PINK1: variants seen among roughly 807,000 people sequenced by gnomAD.
The protein encoded by PINK1 is PTEN induced kinase 1, also known as serine/threonine-protein kinase PINK1, mitochondrial.
PINK1 carries 58 observed loss-of-function variants against 56.0 expected under a neutral mutation model. The observed-to-expected ratio is 1.04, with a 90% CI of 0.84 to 1.29. The LOEUF (loss-of-function observed/expected upper bound fraction) is 1.29. Ranked by LOEUF, PINK1 falls within the 50% of genes most tolerant of loss-of-function variation. PINK1 has a pLI of 0.00. For missense variants in PINK1, 745 were observed against 777.9 expected, an observed-to-expected ratio of 0.96 and a Z score of 0.50; for synonymous variants, 354 against 339.3, an observed-to-expected ratio of 1.04 and a Z score of -0.48.
At position 20,650,605 on chromosome 1, in the gene PINK1, A is replaced by AT. The variant is rs2053255932; in HGVS notation, c.1661dup (p.Met554IlefsTer8). Reference sequence around the variant, plus strand: ...AGAGAAGTGTTGTGTGGAAACAAAAATGAAGATGCTCTTTCTGGCTAACCT... The same window carrying AT: ...AGAGAAGTGTTGTGTGGAAACAAAAATTGAAGATGCTCTTTCTGGCTAACCT... On this transcript the variant is annotated frameshift_variant, in exon 8 of 8. Transcript: ENST00000321556. LOFTEE classifies it high-confidence loss of function. 6.2e-7 allele frequency: 1 copy of AT among 1,614,128 alleles called. No individual in the cohort carries two copies. Among genetic ancestry groups the AT allele is most frequent in the African/African-American group, 1.3e-5 (1 of 74,948 alleles).
Position 20,641,274 on chromosome 1 carries a change from G to GA in PINK1, c.776+1283dup, listed in dbSNP as rs1474205371. Among the ~76,000 whole-genome samples, 5 of 152,100 alleles carry GA rather than the reference G, an allele frequency of 3.3e-5. No individual in the cohort carries two copies. Among genetic ancestry groups the GA allele is most frequent in the Non-Finnish European group, 7.4e-5 (5 of 68,016 alleles). On this transcript the variant is annotated intron_variant, in intron 3 of 7. Transcript: ENST00000321556. The surrounding 1 kb of genome is among the most constrained non-coding windows in gnomAD (Gnocchi z 4.0). ...TGCTGCTTCTCCTGAGGCCTTTTTGGAGAAAGTGGACACCTGAATGTCAGC... is the reference window on the plus strand; with the variant it reads ...TGCTGCTTCTCCTGAGGCCTTTTTGGAAGAAAGTGGACACCTGAATGTCAGC...
rs181675228 is a variant in PINK1, at chr1:20,644,582, G to A, written c.869G>A (p.Gly290Glu). ...ACCTCTTCCGTGCCGCTGCTGCCAGGGGCCCTGGTCGACTACCCTGATGTG... is the reference window on the plus strand; with the variant it reads ...ACCTCTTCCGTGCCGCTGCTGCCAGAGGCCCTGGTCGACTACCCTGATGTG... The part of the protein sequence containing the change: ...AFTSSVPLLP[G>E]ALVDYPDVLP... Residue 290 changes from glycine (G) to glutamate (E), a missense_variant, in exon 4 of 8, where the codon GGG becomes GAG. Transcript: ENST00000321556. The A allele has an allele frequency of 1.9e-6, 3 of 1,614,218 alleles. No homozygotes were observed. In the East Asian group the frequency reaches 6.7e-5, roughly 36 times the overall value.
intron 5 of PINK1, among the ~76,000 whole-genome samples, chr1:20,648,035 G>A (rs1285602411): frequency 1.3e-5 from 2 of 151,700 alleles, no homozygotes; most frequent in Non-Finnish European, 2.9e-5. Flanking sequence ...GGCTGGTCTT[G>A]AACTCCTGAC....
intron 7 of PINK1, 153 bp from the exon 8 acceptor site, chr1:20,650,281 A>AT: frequency 2.0e-6 from 2 of 1,004,984 alleles, no homozygotes; most frequent in Non-Finnish European, 3.0e-6. Flanking sequence ...GACAGGCAGT[A>AT]TTTGTCACCT....
rs2053111786 is a variant in PINK1 at position 20,641,146 on chromosome 1, A to G, written c.776+1154A>G. Among the ~76,000 whole-genome samples, 1 of 152,158 alleles carries G rather than the reference A, an allele frequency of 6.6e-6. No individual in the cohort carries two copies. The highest frequency in any genetic ancestry group is 1.9e-4 in the East Asian group (1 of 5,192). On this transcript the variant is annotated intron_variant, in intron 3 of 7. Coordinates refer to ENST00000321556, the MANE Select transcript of PINK1 (RefSeq NM_032409.3). The surrounding 1 kb of genome is among the most constrained non-coding windows in gnomAD (Gnocchi z 4.0). ...CTGTCAGAAGCAGGGAGGCAAAAGT[A>G]TGAAATTAAGGGAGTGGTTGTGGAA...
intron 3 of PINK1, among the ~76,000 whole-genome samples, chr1:20,642,147 G>C (rs2053121661): frequency 6.6e-6 from 1 of 152,210 alleles, no homozygotes; most frequent in Non-Finnish European, 1.5e-5. Context: ...TGCTGGGAGA[G>C]GCCGGTGCCC....
Position 20,645,549 on chromosome 1 carries a change from C to CT in PINK1, c.960-10dup, listed in dbSNP as rs767297594. On this transcript the variant is annotated splice_polypyrimidine_tract_variant and intron_variant, in intron 4 of 7. Transcript: ENST00000321556. ...GTGTGGTAGCCAGAGGCCCTCTCCCCTCTCCGCCAGCTATCCCTGTACCCT... is the reference window on the plus strand; with the variant it reads ...GTGTGGTAGCCAGAGGCCCTCTCCCCTTCTCCGCCAGCTATCCCTGTACCCT... 2 of 1,613,248 alleles carry CT rather than the reference C, an allele frequency of 1.2e-6. No individual in the cohort carries two copies. Among genetic ancestry groups the CT allele is most frequent in the Non-Finnish European group, 1.7e-6 (2 of 1,179,962 alleles).
chr1:20,637,777 C>A (rs2298297), intron 1 of PINK1, 65 bp from the exon 2 acceptor site: 19 of 1,253,606 alleles, frequency 1.5e-5, no homozygotes, highest in East Asian at 2.3e-5. Context: ...TCTGCCTCCC[C>A]TGTTTCCCTT....
rs761293056 is a variant in PINK1, at chr1:20,633,932, C to T, written c.384C>T (p.Ile128=). 6 of 1,584,934 alleles carry T rather than the reference C, an allele frequency of 3.8e-6. No homozygotes were observed. Among genetic ancestry groups the T allele is most frequent in the Non-Finnish European group, 5.1e-6 (6 of 1,168,830 alleles). The part of the protein sequence containing the change: ...SRRAVSACQE[I]QAIFTQKSKP... ...GGGCGGTCTCGGCCTGTCAGGAGAT[C>T]CAGGTGAGCGGGGCCGGGTCCTAAG... The change falls in exon 1 of 8, where the codon ATC becomes ATT. Residue 128 remains isoleucine (I), a synonymous_variant. Transcript: ENST00000321556.
intron 5 of PINK1, 140 bp downstream of exon 5, chr1:20,645,863 C>T: frequency 8.9e-7 from 1 of 1,119,030 alleles, no homozygotes; most frequent in South Asian, 1.4e-5. Flanking sequence ...AAGAGGTTAG[C>T]AATCTCTCCC....
chr1:20,649,401 G>C, intron 7 of PINK1, 170 bp downstream of exon 7: 1 of 661,476 alleles, frequency 1.5e-6, no homozygotes, highest in Non-Finnish European at 2.6e-6. Context: ...GTAGGAGTAG[G>C]AGCACTAGCC....
rs750664040 is a variant in PINK1 at position 20,650,541 on chromosome 1, CCAA to C, written c.1600_1602del (p.Gln534del). 1 of 1,614,210 alleles carries C rather than the reference CCAA, an allele frequency of 6.2e-7. No individual in the cohort carries two copies. Among genetic ancestry groups the C allele is most frequent in the Non-Finnish European group, 8.5e-7 (1 of 1,180,044 alleles). On this transcript the variant is annotated inframe_deletion, in exon 8 of 8. Coordinates refer to ENST00000321556, the MANE Select transcript of PINK1 (RefSeq NM_032409.3). ...TAGACAAGATGGTTGGCTGGCTCCT[CCAA>C]CAATCGGCCGCCACTTTGTTGGCCA...
rs114999774 is a variant in PINK1, at chr1:20,637,273, C to T, written c.388-569C>T. Among the ~76,000 whole-genome samples the T allele has an allele frequency of 4.6e-5, 7 of 152,338 alleles. 1 individual carries two copies. The highest frequency in any genetic ancestry group is 4.1e-4 in the South Asian group (2 of 4,828). On this transcript the variant is annotated intron_variant, in intron 1 of 7. Transcript: ENST00000321556. Reference sequence around the variant, plus strand: ...AGTGCAGCACTGCCCCCAGCACCTGCACCTCCATCTATTTCTGTCTGAACT... The same window carrying T: ...AGTGCAGCACTGCCCCCAGCACCTGTACCTCCATCTATTTCTGTCTGAACT...
Position 20,633,942 on chromosome 1 carries a change from G to A in PINK1, c.387+7G>A, listed in dbSNP as rs944507113. The stretch of plus-strand genomic sequence containing the variant: ...GGCCTGTCAGGAGATCCAGGTGAGC[G>A]GGGCCGGGTCCTAAGCCGAGCGGAG... On this transcript the variant is annotated splice_region_variant and intron_variant, in intron 1 of 7. Coordinates refer to ENST00000321556, the MANE Select transcript of PINK1 (RefSeq NM_032409.3). The A allele has an allele frequency of 8.8e-6, 14 of 1,582,794 alleles. No homozygotes were observed. The highest frequency in any genetic ancestry group is 1.2e-5 in the Non-Finnish European group (14 of 1,168,238).
At position 20,648,977 on chromosome 1, in the gene PINK1, C is replaced by T. The variant is rs756088494; in HGVS notation, c.1252-18C>T. ...GATGGGCGGGCAGCGTGATGTCTCA[C>T]CCACTGCTTCTGAGCAGGTGTCCAC... On this transcript the variant is annotated intron_variant, in intron 6 of 7. Transcript: ENST00000321556. 1 of 1,611,150 alleles carries T rather than the reference C, an allele frequency of 6.2e-7. No individual in the cohort carries two copies. Among genetic ancestry groups the T allele is most frequent in the Non-Finnish European group, 8.5e-7 (1 of 1,178,662 alleles).
In PINK1 at chr1:20,638,018, C is replaced by T. The variant is rs754328101; in HGVS notation, c.564C>T (p.Thr188=). The change falls in exon 2 of 8, where the codon ACC becomes ACT. Residue 188 remains threonine (T), a synonymous_variant. Coordinates refer to ENST00000321556, the MANE Select transcript of PINK1 (RefSeq NM_032409.3). ...AGAACCTGGAGGTGACAAAGAGCAC[C>T]GGGTTGCTTCCAGGGAGAGGCCCAG... ...LPQNLEVTKS[T]GLLPGRGPGT... is the part of the protein sequence containing the mutation. 57 of 1,614,010 alleles carry T rather than the reference C, an allele frequency of 3.5e-5. No individual in the cohort carries two copies. The highest frequency in any genetic ancestry group is 8.9e-5 in the East Asian group (4 of 44,880).
At chr1:20,648,273 CCA>C (rs915364183) in intron 5 of PINK1, 1 of 579,838 alleles carries the variant, frequency 1.7e-6, no homozygotes, top group Non-Finnish European at 3.1e-6. Flanking sequence ...TTAAATTGAG[CCA>C]CACAGTCCTT....
chr1:20,649,008 G>A lies in PINK1; in HGVS notation c.1265G>A (p.Arg422His), dbSNP rs201491485. 163 of 1,613,254 alleles carry A rather than the reference G, an allele frequency of 1.0e-4. No individual in the cohort carries two copies. The highest frequency in any genetic ancestry group is 1.3e-4 in the Non-Finnish European group (149 of 1,180,042). ...GCTTCTGAGCAGGTGTCCACGGCCC[G>A]TCCTGGCCCCAGGGCAGTGATTGAC... ...CLMAPEVSTA[R>H]PGPRAVIDYS... The change falls in exon 7 of 8, where the codon CGT becomes CAT. Residue 422 changes from arginine (R) to histidine (H), a missense_variant. Transcript: ENST00000321556.
chr1:20,633,674 C>T lies in PINK1; in HGVS notation c.126C>T (p.Arg42=). The T allele has an allele frequency of 7.2e-7, 1 of 1,387,676 alleles. No homozygotes were observed. The highest frequency in any genetic ancestry group is 9.3e-7 in the Non-Finnish European group (1 of 1,079,336). The allele number at this position is 1,387,676 out of a possible 1,614,324, so 86.0% of individuals were successfully genotyped here. A position where few individuals can be genotyped will look rare whatever the true frequency, so the allele number is the denominator to read the frequency against. ...GRPGPAAGCV[R]GERPGWAAGP... is the part of the protein sequence containing the mutation. ...CGGGCCCGGCGGCGGGCTGTGTCCGCGGGGAGCGTCCAGGCTGGGCCGCAG... is the reference window on the plus strand; with the variant it reads ...CGGGCCCGGCGGCGGGCTGTGTCCGTGGGGAGCGTCCAGGCTGGGCCGCAG... The change falls in exon 1 of 8, where the codon CGC becomes CGT. Residue 42 remains arginine, a synonymous_variant. Coordinates refer to ENST00000321556, the MANE Select transcript of PINK1 (RefSeq NM_032409.3).
Sources: allele counts gnomAD v4.1 joint callset (sites outside exome capture counted in the v4.1 genomes callset), GRCh38; gene constraint gnomAD v4.1.1; non-coding constraint Gnocchi (gnomAD v3.1); transcripts MANE v1.5; gene names NCBI Gene and HGNC (gene_info 2026-07-23, HGNC 2026-07-21).